L2HGDH: variants seen among roughly 807,000 people sequenced by gnomAD.
The protein encoded by L2HGDH is L-2-hydroxyglutarate dehydrogenase, mitochondrial.
In L2HGDH, 34 loss-of-function variants were observed where a neutral mutation model predicts 51.5. The observed-to-expected ratio is 0.66, with a 90% CI of 0.50 to 0.88. The LOEUF (loss-of-function observed/expected upper bound fraction) is 0.88. Ranked by LOEUF, L2HGDH falls within the 40% of genes least tolerant of loss-of-function variation. The pLI is 0.00. For missense variants in L2HGDH, 558 were observed against 571.9 expected (o/e 0.98, Z 0.25); for synonymous variants, 198 against 197.9 (o/e 1.00, Z -0.01).
intron 4 of L2HGDH, 149 bp from the exon 5 acceptor site, chr14:50,284,182 T>A: frequency 1.4e-6 from 1 of 695,994 alleles, no homozygotes; most frequent in Non-Finnish European, 2.5e-6. Context: ...TCTTTTCCAT[T>A]TATTATCCCT....
At chr14:50,272,724 G>T (rs556096204) in intron 6 of L2HGDH, among the ~76,000 whole-genome samples, 1 of 152,118 alleles carries the variant, frequency 6.6e-6, no homozygotes, top group Non-Finnish European at 1.5e-5. Context: ...AAGAAAAATT[G>T]TAAGATAAGG....
At chr14:50,256,083 A>T (rs1888652455) in intron 9 of L2HGDH, among the ~76,000 whole-genome samples, 1 of 152,200 alleles carries the variant, frequency 6.6e-6, no homozygotes, top group South Asian at 2.1e-4. Context: ...GAAGTCTTGT[A>T]TTACATTATT....
intron 9 of L2HGDH, among the ~76,000 whole-genome samples, chr14:50,264,353 GGA>G (rs1373789935): frequency 1.3e-5 from 2 of 152,032 alleles, no homozygotes; most frequent in Non-Finnish European, 2.9e-5. Flanking sequence ...ACTCCAGCCT[GGA>G]CAAGAAGAGC....
intron 9 of L2HGDH, among the ~76,000 whole-genome samples, chr14:50,257,466 C>T (rs1040063484): frequency 4.0e-5 from 6 of 151,510 alleles, no homozygotes; most frequent in African/African-American, 1.5e-4. Flanking sequence ...ACCTCTTAGG[C>T]TCAAGCCATC....
At chr14:50,265,596 C>A in intron 8 of L2HGDH, 107 bp from the exon 9 acceptor site, 1 of 1,058,820 alleles carries the variant, frequency 9.4e-7, no homozygotes, top group Admixed American at 2.4e-5. Context: ...AAAATCTAGG[C>A]AAAGTCAGAA....
chr14:50,261,735 C>T (rs906451938), intron 9 of L2HGDH, among the ~76,000 whole-genome samples: 4 of 152,170 alleles, frequency 2.6e-5, no homozygotes, highest in African/African-American at 9.7e-5. Context: ...CCTCCCACCT[C>T]AGCCTCCCAA....
chr14:50,265,435 A>G lies in L2HGDH; in HGVS notation c.1119T>C (p.Tyr373=). Reference sequence around the variant, plus strand: ...CTGTTGCACCAAGAAAACATGCTTTATACATTTCAGTAACTCCATAGGAAA... The same window carrying G: ...CTGTTGCACCAAGAAAACATGCTTTGTACATTTCAGTAACTCCATAGGAAA... The part of the protein sequence containing the change: ...QNFSYGVTEM[Y]KACFLGATVK... The change falls in exon 9 of 10, where the codon TAT becomes TAC. Residue 373 remains tyrosine (Y), a synonymous_variant. Transcript: ENST00000267436. The G allele has an allele frequency of 6.2e-7, 1 of 1,612,882 alleles. No individual in the cohort carries two copies. Among genetic ancestry groups the G allele is most frequent in the South Asian group, 1.1e-5 (1 of 91,042 alleles).
chr14:50,305,658 CT>C (rs992131610), intron 1 of L2HGDH, among the ~76,000 whole-genome samples: 1 of 152,180 alleles, frequency 6.6e-6, no homozygotes, highest in African/African-American at 2.4e-5. Context: ...CCTCTATAAT[CT>C]TCCACTAAGG....
At chr14:50,310,193 T>C (rs1252679904) in intron 1 of L2HGDH, among the ~76,000 whole-genome samples, 1 of 152,092 alleles carries the variant, frequency 6.6e-6, no homozygotes, top group Non-Finnish European at 1.5e-5. Context: ...TTGGGGTAAA[T>C]GGGGTGAAGG....
rs765963929 is a variant in L2HGDH, at chr14:50,244,731, T to C, written c.*2327A>G. The C allele has an allele frequency of 2.2e-5, 22 of 985,306 alleles. No homozygotes were observed. Among genetic ancestry groups the C allele is most frequent in the Non-Finnish European group, 2.7e-5 (22 of 829,926 alleles). 61.0% of individuals were successfully genotyped at this position (985,306 alleles called of 1,614,324 possible). ...TTAATGGATGAGGTAGCTCAATCAA[T>C]GTAATCATCAATGCTTGAAGTGAGG... On this transcript the variant is annotated 3_prime_UTR_variant, in exon 10 of 10. Transcript: ENST00000267436.
chr14:50,284,985 C>T lies in L2HGDH; in HGVS notation c.541-952G>A, dbSNP rs543271978. Among the ~76,000 whole-genome samples, 21 of 152,326 alleles carry T rather than the reference C, an allele frequency of 1.4e-4. No homozygotes were observed. In the East Asian group the frequency reaches 1.9e-3, roughly 14 times the overall value. ...TTTTGCGGCCGGGCGCAGTGGCTCA[C>T]GCCTATAATCCCAGCACTTTGGGAG... On this transcript the variant is annotated intron_variant, in intron 4 of 9. Coordinates refer to ENST00000267436, the MANE Select transcript of L2HGDH (RefSeq NM_024884.3).
At chr14:50,268,563 A>G (rs1040770858) in intron 7 of L2HGDH, among the ~76,000 whole-genome samples, 1 of 152,178 alleles carries the variant, frequency 6.6e-6, no homozygotes, top group Non-Finnish European at 1.5e-5. Flanking sequence ...AAAAAAATAC[A>G]CATTCATAGC....
chr14:50,278,614 TATC>T, intron 5 of L2HGDH, 60 bp from the exon 6 acceptor site: 1 of 880,210 alleles, frequency 1.1e-6, no homozygotes, highest in Non-Finnish European at 1.8e-6. Context: ...TTATTTGAAA[TATC>T]ATACTAGAAA....
At chr14:50,249,090 G>A (rs890349593) in intron 9 of L2HGDH, among the ~76,000 whole-genome samples, 12 of 152,300 alleles carry the variant, frequency 7.9e-5, no homozygotes, top group Admixed American at 3.3e-4. Context: ...CTCAGCCAGC[G>A]CCAGCACATG....
chr14:50,244,280 C>T lies in L2HGDH; in HGVS notation c.*2778G>A. 2 of 504,294 alleles carry T rather than the reference C, an allele frequency of 4.0e-6. No homozygotes were observed. The highest frequency in any genetic ancestry group is 5.1e-6 in the Non-Finnish European group (2 of 390,542). 31.2% of individuals were successfully genotyped at this position (504,294 alleles called of 1,614,324 possible). A position where few individuals can be genotyped will look rare whatever the true frequency, so the allele number is the denominator to read the frequency against. ...CACACTGACTTCCACAATGGTTGAA[C>T]TAGTTTACAGTCCCACCAACAGTGT... is the stretch of plus-strand genomic sequence containing the variant. On this transcript the variant is annotated 3_prime_UTR_variant, in exon 10 of 10. Transcript: ENST00000267436.
At position 50,267,740 on chromosome 14, in the gene L2HGDH, T is replaced by G; in HGVS notation, c.1064+13A>C. The G allele has an allele frequency of 6.3e-7, 1 of 1,586,820 alleles. No individual in the cohort carries two copies. The highest frequency in any genetic ancestry group is 1.7e-5 in the Admixed American group (1 of 59,814). On this transcript the variant is annotated intron_variant, in intron 8 of 9. Coordinates refer to ENST00000267436, the MANE Select transcript of L2HGDH (RefSeq NM_024884.3). Reference sequence around the variant, plus strand: ...AAGCACATAAAATCATTTTTAAAAATAAATAATGTTACCTATTGATAATTA... The same window carrying G: ...AAGCACATAAAATCATTTTTAAAAAGAAATAATGTTACCTATTGATAATTA...
Position 50,243,279 on chromosome 14 carries a change from T to TA in L2HGDH, c.*3778dup, listed in dbSNP as rs2139913638. 1.0e-6 allele frequency: 1 copy of TA among 985,426 alleles called. No individual in the cohort carries two copies. Among genetic ancestry groups the TA allele is most frequent in the East Asian group, 1.1e-4 (1 of 8,822 alleles). 61.0% of individuals were successfully genotyped at this position (985,426 alleles called of 1,614,324 possible). Reference sequence around the variant, plus strand: ...GAGTTCCTCACAAACACTCTGAAGTTAAAATCTAAAATGCTCCACTTTTTA... The same window carrying TA: ...GAGTTCCTCACAAACACTCTGAAGTTAAAAATCTAAAATGCTCCACTTTTTA... On this transcript the variant is annotated 3_prime_UTR_variant, in exon 10 of 10. Coordinates refer to ENST00000267436, the MANE Select transcript of L2HGDH (RefSeq NM_024884.3).
intron 2 of L2HGDH, among the ~76,000 whole-genome samples, chr14:50,302,553 T>C (rs559263455): frequency 2.0e-4 from 31 of 152,186 alleles, no homozygotes; most frequent in Non-Finnish European, 3.7e-4. Flanking sequence ...GTGAGCACAA[T>C]CCTGGGAAAT....
chr14:50,304,406 G>A (rs557348070), intron 1 of L2HGDH, among the ~76,000 whole-genome samples: 15 of 152,338 alleles, frequency 9.8e-5, no homozygotes, highest in South Asian at 6.2e-4. Context: ...TAACACTTTA[G>A]TGTGCAAGAA....
Sources: allele counts gnomAD v4.1 joint callset (sites outside exome capture counted in the v4.1 genomes callset), GRCh38; gene constraint gnomAD v4.1.1; transcripts MANE v1.5; gene names NCBI Gene and HGNC (gene_info 2026-07-23, HGNC 2026-07-21).